The following ANKRD30A variants were observed in gnomAD, a reference collection of about 807,000 sequenced individuals.
The protein encoded by ANKRD30A is ankyrin repeat domain-containing protein 30A.
ANKRD30A carries 170 observed loss-of-function variants against 166.3 expected under a neutral mutation model. The observed-to-expected ratio is 1.02, with a 90% CI of 0.90 to 1.16. The LOEUF is 1.16. ANKRD30A is among the 50% of genes most tolerant of loss of function. The pLI is 0.00. For missense variants in ANKRD30A, 1,630 were observed against 1,518.0 expected, an observed-to-expected ratio of 1.07 and a Z score of -1.23; for synonymous variants, 564 against 508.9, an observed-to-expected ratio of 1.11 and a Z score of -1.46.
intron 29 of ANKRD30A, among the ~76,000 whole-genome samples, chr10:37,198,062 A>T (rs1841297932): frequency 6.6e-6 from 1 of 152,080 alleles, no homozygotes; most frequent in African/African-American, 2.4e-5. Flanking sequence ...TGAATATTTG[A>T]TAAACACACT....
chr10:37,254,683 C>CTTTTTTT, the ANKRD30A span, among the ~76,000 whole-genome samples: 8 of 126,524 alleles, frequency 6.3e-5, no homozygotes, highest in Admixed American at 8.0e-5. Context: ...CTTTTCTTTT[C>CTTTTTTT]TTTTTTTTTT....
At chr10:37,145,629 G>A (rs1316147021) in intron 8 of ANKRD30A, among the ~76,000 whole-genome samples, 1 of 152,250 alleles carries the variant, frequency 6.6e-6, no homozygotes, top group Admixed American at 6.5e-5. Context: ...GAATTCACCA[G>A]TAATTCACAT....
In ANKRD30A at chr10:37,231,532, TG is replaced by T; in HGVS notation, c.*64del. 1 of 1,418,262 alleles carries T rather than the reference TG, an allele frequency of 7.1e-7. No individual in the cohort carries two copies. The highest frequency in any genetic ancestry group is 1.4e-5 in the South Asian group (1 of 73,694). 87.9% of individuals were successfully genotyped at this position (1,418,262 alleles called of 1,614,324 possible). ...AGACCAGATCTTTACTCACAACTCA[TG>T]CTAGGAGGCCAGTCCTAGCATCACC... On this transcript the variant is annotated 3_prime_UTR_variant, in exon 35 of 36. Coordinates refer to ENST00000361713, the MANE Select transcript of ANKRD30A (RefSeq NM_052997.3).
chr10:37,219,556 G>A lies in ANKRD30A; in HGVS notation c.3844G>A (p.Glu1282Lys). ...DALRENTLVS[E>K]HAQRDQRETQ... Reference sequence around the variant, plus strand: ...TCTAAGAGAAAATACATTGGTTTCAGAACATGCACAAAGAGACCAACGTGA... The same window carrying A: ...TCTAAGAGAAAATACATTGGTTTCAAAACATGCACAAAGAGACCAACGTGA... The change falls in exon 34 of 36, where the codon GAA becomes AAA. Residue 1282 changes from glutamate to lysine, a missense_variant. This residue lies in a region of ANKRD30A where 712 missense variants were observed against 629.3 expected (regional missense o/e 1.13). Transcript: ENST00000361713. 3 of 1,610,280 alleles carry A rather than the reference G, an allele frequency of 1.9e-6. No individual in the cohort carries two copies. The highest frequency in any genetic ancestry group is 2.5e-6 in the Non-Finnish European group (3 of 1,177,700).
intron 7 of ANKRD30A, among the ~76,000 whole-genome samples, chr10:37,143,588 A>T (rs1837300580): frequency 6.6e-6 from 1 of 152,194 alleles, no homozygotes; most frequent in South Asian, 2.1e-4. Flanking sequence ...CAGGAGGCAG[A>T]GGTTGCAGTG....
the ANKRD30A span, chr10:37,247,972 A>T: frequency 1.0e-5 from 3 of 287,272 alleles, no homozygotes; most frequent in Non-Finnish European, 2.1e-5. Flanking sequence ...CCCCCATGAC[A>T]TGAATTTACC....
the ANKRD30A span, among the ~76,000 whole-genome samples, chr10:37,256,962 G>A: frequency 4.6e-5 from 7 of 152,204 alleles, no homozygotes; most frequent in African/African-American, 1.7e-4. Context: ...GTTTCAAAAG[G>A]AATGGTACCA....
the ANKRD30A span, among the ~76,000 whole-genome samples, chr10:37,250,587 G>T: frequency 6.6e-6 from 1 of 152,114 alleles, no homozygotes; most frequent in African/African-American, 2.4e-5. Flanking sequence ...AAACCATAAA[G>T]TGATGGTATT....
chr10:37,144,698 CAT>C (rs1251063101), intron 7 of ANKRD30A, among the ~76,000 whole-genome samples: 1 of 152,076 alleles, frequency 6.6e-6, no homozygotes, highest in Non-Finnish European at 1.5e-5. Context: ...AAATATCTGA[CAT>C]AGTATGCTTC....
intron 29 of ANKRD30A, 38 bp downstream of exon 29, chr10:37,197,518 T>C (rs905368725): frequency 1.2e-6 from 2 of 1,610,658 alleles, no homozygotes; most frequent in Non-Finnish European, 1.7e-6. Context: ...GACCAATATT[T>C]CAATATTGAA....
chr10:37,202,399 A>G (rs12358280), intron 31 of ANKRD30A, among the ~76,000 whole-genome samples: 7,300 of 152,238 alleles, frequency 0.048, 240 homozygotes, highest in South Asian at 0.061. Flanking sequence ...TGGGTACATA[A>G]CGAAATCAAG....
At chr10:37,142,326 G>T (rs773288717) in intron 7 of ANKRD30A, 36 bp downstream of exon 7, 1 of 1,534,698 alleles carries the variant, frequency 6.5e-7, no homozygotes, top group Non-Finnish European at 8.7e-7. Flanking sequence ...AGGTTTATTG[G>T]CACTTCAGGT....
chr10:37,205,375 C>T (rs1032298319), intron 31 of ANKRD30A, among the ~76,000 whole-genome samples: 1 of 150,346 alleles, frequency 6.7e-6, no homozygotes, highest in Non-Finnish European at 1.5e-5. Context: ...CACATGTTCT[C>T]ACCCATAGGT....
At chr10:37,233,351 T>G (rs1375099703), downstream of ANKRD30A, among the ~76,000 whole-genome samples, 4 of 152,130 alleles carry the variant, frequency 2.6e-5, no homozygotes, top group Non-Finnish European at 5.9e-5. Context: ...GGAAGAATGT[T>G]AAATACTACT....
chr10:37,178,852 T>G (rs1416509222), intron 24 of ANKRD30A, among the ~76,000 whole-genome samples: 1 of 150,784 alleles, frequency 6.6e-6, no homozygotes, highest in African/African-American at 2.4e-5. Context: ...GGATTTTCTA[T>G]GAAGGAAAAT....
intron 13 of ANKRD30A, among the ~76,000 whole-genome samples, chr10:37,156,071 A>ATT (rs1838356921): frequency 6.8e-6 from 1 of 146,778 alleles, no homozygotes; most frequent in Non-Finnish European, 1.5e-5. Context: ...ACAGAGTGAT[A>ATT]CGCTATCAAA....
At chr10:37,260,254 A>G in the ANKRD30A span, among the ~76,000 whole-genome samples, 1 of 152,186 alleles carries the variant, frequency 6.6e-6, no homozygotes, top group African/African-American at 2.4e-5. Flanking sequence ...GCTATTTGCT[A>G]ATACAGTGAT....
intron 31 of ANKRD30A, among the ~76,000 whole-genome samples, chr10:37,212,357 A>T (rs553470796): frequency 1.3e-5 from 2 of 152,054 alleles, no homozygotes; most frequent in African/African-American, 2.4e-5. Flanking sequence ...CCACTGCCCA[A>T]TGAAATAAAA....
chr10:37,155,839 T>C (rs1407594036), intron 13 of ANKRD30A, among the ~76,000 whole-genome samples: 1 of 152,100 alleles, frequency 6.6e-6, no homozygotes, highest in African/African-American at 2.4e-5. Flanking sequence ...TCCAGCACTT[T>C]GGGAGGGCGA....
Sources: gnomAD v4.1 joint callset for allele counts (sites outside exome capture counted in the v4.1 genomes callset) on GRCh38, gnomAD v4.1.1 for gene constraint, gnomAD v4.1.1 regional missense constraint, MANE v1.5 for transcripts, NCBI Gene and HGNC (gene_info 2026-07-23, HGNC 2026-07-21) for gene names.